DUXB: variants seen among roughly 807,000 people sequenced by gnomAD.
DUXB encodes double homeobox protein B.
In DUXB, 22 loss-of-function variants were observed where a neutral mutation model predicts 8.9. The ratio of observed to expected loss-of-function variants is 2.46; its 90% CI spans 1.76 to 3.52. The LOEUF (loss-of-function observed/expected upper bound fraction) is 3.52. Ranked by LOEUF, DUXB falls within the 30% of genes most tolerant of loss-of-function variation. The pLI, the probability that DUXB is intolerant of heterozygous loss-of-function variation, is 0.00. For missense variants in DUXB, 237 were observed against 108.7 expected, an observed-to-expected ratio of 2.18 and a Z score of -5.25; for synonymous variants, 84 against 37.6, an observed-to-expected ratio of 2.23 and a Z score of -4.52.
chr16:75,701,189 G>A (rs1959208089), intron 1 of DUXB, among the ~76,000 whole-genome samples: 1 of 152,152 alleles, frequency 6.6e-6, no homozygotes, highest in Admixed American at 6.5e-5. Context: ...TGGGACTCAT[G>A]GCTGCCATCT....
Position 75,696,163 on chromosome 16 carries a change from G to C in DUXB, c.287-48C>G, listed in dbSNP as rs148607460. The C allele has an allele frequency of 1.9e-4, 131 of 694,566 alleles. No homozygotes were observed. In the African/African-American group the frequency reaches 2.2e-3, roughly 12 times the overall value. The allele number at this position is 694,566 out of a possible 1,614,324, so 43.0% of individuals were successfully genotyped here. A position where few individuals can be genotyped will look rare whatever the true frequency, so the allele number is the denominator to read the frequency against. On this transcript the variant is annotated intron_variant, in intron 3 of 4. Transcript: ENST00000633875. Reference sequence around the variant, plus strand: ...TTGGGGAATTTTCATATTCAAACCAGAAAAACAAACCCATGAAGATAATGC... The same window carrying C: ...TTGGGGAATTTTCATATTCAAACCACAAAAACAAACCCATGAAGATAATGC...
At chr16:75,695,004 A>G (rs747619553) in intron 4 of DUXB, among the ~76,000 whole-genome samples, 2 of 152,098 alleles carry the variant, frequency 1.3e-5, no homozygotes, top group Non-Finnish European at 2.9e-5. Flanking sequence ...TATGTTTGTT[A>G]TTATTTATTT....
rs951910970 is a variant in DUXB at position 75,695,993 on chromosome 16, C to T, written c.409G>A (p.Glu137Lys). Residue 137 changes from glutamate (E) to lysine (K), a missense_variant, in exon 4 of 5, where the codon GAA (glutamate) becomes AAA (lysine). Glu to Lys is a moderately conservative substitution (Grantham distance 56, BLOSUM62 1). Coordinates refer to ENST00000633875, the MANE Select transcript of DUXB (RefSeq NM_001351307.2). ...CTTGATTCCTGCAGGCCTGTTTGTTCAGCCAGTTTTTTTCTGGTAGCAATA... is the reference window on the plus strand; with the variant it reads ...CTTGATTCCTGCAGGCCTGTTTGTTTAGCCAGTTTTTTTCTGGTAGCAATA... ...PDIATRKKLA[E>K]QTGLQESRIQ... 2.8e-6 allele frequency: 2 copies of T among 702,962 alleles called. No homozygotes were observed. The highest frequency in any genetic ancestry group is 5.2e-6 in the Non-Finnish European group (2 of 385,006). The allele number at this position is 702,962 out of a possible 1,614,324, so 43.5% of individuals were successfully genotyped here.
rs2082604310 is a variant in DUXB, at chr16:75,696,077, T to C, written c.325A>G (p.Ile109Val). 3 of 702,946 alleles carry C rather than the reference T, an allele frequency of 4.3e-6. No individual in the cohort carries two copies. Among genetic ancestry groups the C allele is most frequent in the Non-Finnish European group, 7.8e-6 (3 of 385,036 alleles). The allele number at this position is 702,946 out of a possible 1,614,324, so 43.5% of individuals were successfully genotyped here. The change falls in exon 4 of 5, where the codon ATC becomes GTC. Residue 109 changes from isoleucine (I) to valine (V), a missense_variant. Ile to Val is a conservative substitution (Grantham distance 29, BLOSUM62 3). Transcript: ENST00000633875. The part of the protein sequence containing the change: ...PKEARQKQTF[I>V]TWTQKNRLVQ... ...AGCCTGTTTTTTTGAGTCCATGTGA[T>C]GAATGTCTGTTTTTGTCGGGCTTCT...
intron 3 of DUXB, among the ~76,000 whole-genome samples, chr16:75,696,387 C>G (rs2082607504): frequency 6.6e-6 from 1 of 152,038 alleles, no homozygotes; most frequent in Non-Finnish European, 1.5e-5. Flanking sequence ...CCCGTTTCTA[C>G]TAAAAATACA....
At chr16:75,695,761 A>C (rs1250767103) in intron 4 of DUXB, among the ~76,000 whole-genome samples, 200 bp downstream of exon 4, 2 of 152,224 alleles carry the variant, frequency 1.3e-5, no homozygotes, top group South Asian at 4.1e-4. Flanking sequence ...TCTGCTAGTG[A>C]TTCCAAATCC....
At chr16:75,696,967 T>G (rs1341507794) in intron 2 of DUXB, 24 bp from the exon 3 acceptor site, 1 of 700,188 alleles carries the variant, frequency 1.4e-6, no homozygotes, top group Admixed American at 2.0e-5. Flanking sequence ...GAAGATGTGA[T>G]AGTCATACAA....
intron 3 of DUXB, among the ~76,000 whole-genome samples, chr16:75,696,349 C>T (rs1377509041): frequency 6.6e-6 from 1 of 152,056 alleles, no homozygotes; most frequent in Admixed American, 6.5e-5. Context: ...GTTGGGAGTT[C>T]GAGGCCAGCC....
intron 3 of DUXB, 78 bp from the exon 4 acceptor site, chr16:75,696,193 C>T (rs1421034172): frequency 7.5e-6 from 5 of 670,496 alleles, no homozygotes; most frequent in Non-Finnish European, 1.3e-5. Context: ...TAATGCTGGC[C>T]ATATTTGTTC....
At chr16:75,696,736 C>T (rs2082610530) in intron 3 of DUXB, 102 bp downstream of exon 3, 1 of 614,580 alleles carries the variant, frequency 1.6e-6, no homozygotes, top group Non-Finnish European at 2.9e-6. Flanking sequence ...TCTCTGGTCA[C>T]CAGGATGCCA....
chr16:75,699,447 T>A lies in DUXB; in HGVS notation c.180+568A>T, dbSNP rs549269631. Among the ~76,000 whole-genome samples the A allele has an allele frequency of 6.6e-5, 10 of 152,362 alleles. No homozygotes were observed. The South Asian group carries it at 2.1e-3, about 32-fold the overall frequency. ...TCTCAAAATATGACTTAATTACCTA[T>A]TGGGAGAGACTGAGCCAGTATATTC... On this transcript the variant is annotated intron_variant, in intron 2 of 4. Transcript: ENST00000633875.
At chr16:75,700,309 A>T (rs1959203021) in intron 1 of DUXB, 140 bp from the exon 2 acceptor site, 1 of 521,618 alleles carries the variant, frequency 1.9e-6, no homozygotes, top group Non-Finnish European at 3.4e-6. Flanking sequence ...GTTTCGGGTC[A>T]ATGCGACCTC....
At chr16:75,699,851 G>A (rs542736114) in intron 2 of DUXB, among the ~76,000 whole-genome samples, 164 bp downstream of exon 2, 4 of 152,108 alleles carry the variant, frequency 2.6e-5, no homozygotes, top group Non-Finnish European at 5.9e-5. Context: ...GTGAGCCACC[G>A]CGCCCAGCCT....
Position 75,694,167 on chromosome 16 carries a change from T to C in DUXB, c.800A>G (p.Lys267Arg). ...NHLLTLPILT[K>R]DLDTPTPFWL... ...GAAGGGAGTCGGAGTATCTAAGTCC[T>C]TTGTCAGAATTGGCAGTGTCAGGAG... The change falls in exon 5 of 5, where the codon AAG (lysine) becomes AGG (arginine). Residue 267 changes from lysine to arginine, a missense_variant. Coordinates refer to ENST00000633875, the MANE Select transcript of DUXB (RefSeq NM_001351307.2). 1 of 473,008 alleles carries C rather than the reference T, an allele frequency of 2.1e-6. No individual in the cohort carries two copies. The highest frequency in any genetic ancestry group is 5.0e-5 in the South Asian group (1 of 20,144). The allele number at this position is 473,008 out of a possible 1,614,324, so 29.3% of individuals were successfully genotyped here.
chr16:75,700,871 T>G (rs1959206570), intron 1 of DUXB, among the ~76,000 whole-genome samples: 2 of 152,126 alleles, frequency 1.3e-5, no homozygotes, highest in Non-Finnish European at 2.9e-5. Context: ...ATTGGGTATA[T>G]AAACATTTAA....
Position 75,700,274 on chromosome 16 carries a change from G to A in DUXB, c.26-105C>T, listed in dbSNP as rs530113290. The A allele has an allele frequency of 1.8e-4, 106 of 573,012 alleles. No homozygotes were observed. The East Asian group carries it at 2.4e-3, about 13-fold the overall frequency. The allele number at this position is 573,012 out of a possible 1,614,324, so 35.5% of individuals were successfully genotyped here. On this transcript the variant is annotated intron_variant, in intron 1 of 4. Coordinates refer to ENST00000633875, the MANE Select transcript of DUXB (RefSeq NM_001351307.2). ...TTTTGAGACAGAGTCTCACTCTGTC[G>A]CCCAGATTGGAGTGCAGTGATGCAG...
chr16:75,696,828 G>A lies in DUXB; in HGVS notation c.286+10C>T. On this transcript the variant is annotated intron_variant, in intron 3 of 4. Transcript: ENST00000633875. ...ACGTACTCTCAATGGGACCCATTGA[G>A]CATTCTTACCTTGAGTCAGATGCTG... The A allele has an allele frequency of 1.4e-6, 1 of 701,806 alleles. No homozygotes were observed. Among genetic ancestry groups the A allele is most frequent in the African/African-American group, 1.7e-5 (1 of 57,270 alleles). 43.5% of individuals were successfully genotyped at this position (701,806 alleles called of 1,614,324 possible). A position where few individuals can be genotyped will look rare whatever the true frequency, so the allele number is the denominator to read the frequency against.
rs2082585689 is a variant in DUXB at position 75,694,226 on chromosome 16, C to T, written c.741G>A (p.Glu247=). Residue 247 remains glutamate (E), a synonymous_variant, in exon 5 of 5, where the codon GAG becomes GAA. Transcript: ENST00000633875. ...MQPTQAVQEG[E]KSDQPLIIPN... Reference sequence around the variant, plus strand: ...GAATTATCAGAGGCTGATCAGACTTCTCTCCTTCCTGCACAGCCTGTGTGG... The same window carrying T: ...GAATTATCAGAGGCTGATCAGACTTTTCTCCTTCCTGCACAGCCTGTGTGG... 9.4e-6 allele frequency: 5 copies of T among 529,740 alleles called. No individual in the cohort carries two copies. The South Asian group carries it at 1.5e-4, about 16-fold the overall frequency. The allele number at this position is 529,740 out of a possible 1,614,324, so 32.8% of individuals were successfully genotyped here. A position where few individuals can be genotyped will look rare whatever the true frequency, so the allele number is the denominator to read the frequency against.
At chr16:75,700,225 C>G (rs1310766084) in intron 1 of DUXB, 56 bp from the exon 2 acceptor site, 9 of 628,944 alleles carry the variant, frequency 1.4e-5, no homozygotes, top group Non-Finnish European at 2.3e-5. Flanking sequence ...GGGTTTAAAT[C>G]TGTACTTTGA....
Sources: gnomAD v4.1 joint callset for allele counts (sites outside exome capture counted in the v4.1 genomes callset) on GRCh38, gnomAD v4.1.1 for gene constraint, MANE v1.5 for transcripts, NCBI Gene and HGNC (gene_info 2026-07-23, HGNC 2026-07-21) for gene names.